The following RNLS variants were observed in gnomAD, a reference collection of about 807,000 sequenced individuals.
RNLS encodes the protein renalase.
Under a neutral mutation model 39.8 loss-of-function variants are expected in RNLS, and 39 were observed. That is an observed-to-expected ratio of 0.98 (90% CI 0.76 to 1.28). RNLS has a LOEUF of 1.28. RNLS is among the 50% of genes most tolerant of loss of function. The pLI is 0.00. For missense variants in RNLS, 410 were observed against 413.3 expected, an observed-to-expected ratio of 0.99 and a Z score of 0.07; for synonymous variants, 147 against 150.7, an observed-to-expected ratio of 0.98 and a Z score of 0.18.
intron 5 of RNLS, among the ~76,000 whole-genome samples, chr10:88,348,383 G>A (rs982935294): frequency 6.6e-6 from 1 of 152,072 alleles, no homozygotes; most frequent in Non-Finnish European, 1.5e-5. Context: ...CCAATTCTTG[G>A]CCAACCTGAA....
Position 88,543,620 on chromosome 10 carries a change from A to G in RNLS, c.526+29283T>C, listed in dbSNP as rs527263894. Among the ~76,000 whole-genome samples, 106 of 152,310 alleles carry G rather than the reference A, an allele frequency of 7.0e-4. 1 individual carries two copies. Among genetic ancestry groups the G allele is most frequent in the South Asian group, 5.8e-3 (28 of 4,828 alleles). The stretch of plus-strand genomic sequence containing the variant: ...TAAAATACACAAAGACAATTATTTA[A>G]CAGAAACAATCCATTAAAAGGTACT... On this transcript the variant is annotated intron_variant, in intron 4 of 6. Transcript: ENST00000331772.
intron 5 of RNLS, among the ~76,000 whole-genome samples, chr10:88,344,359 A>G (rs1848171112): frequency 6.6e-6 from 1 of 152,180 alleles, no homozygotes. Context: ...TGAAATTTTT[A>G]TTTATGATAG....
the RNLS span, among the ~76,000 whole-genome samples, chr10:88,199,325 A>T: frequency 6.6e-6 from 1 of 151,966 alleles, no homozygotes; most frequent in African/African-American, 2.4e-5. Context: ...GTCCTGTGTA[A>T]CTCTACATCA....
intron 6 of RNLS, among the ~76,000 whole-genome samples, chr10:88,289,470 A>C (rs1187369251): frequency 6.6e-6 from 1 of 152,150 alleles, no homozygotes; most frequent in East Asian, 1.9e-4. Context: ...TTCAAGACTC[A>C]GTATAAACAT....
rs149772378 is a variant in RNLS at position 88,515,565 on chromosome 10, T to C, written c.526+57338A>G. Among the ~76,000 whole-genome samples, 292 of 152,222 alleles carry C rather than the reference T, an allele frequency of 1.9e-3. 1 individual carries two copies. The highest frequency in any genetic ancestry group is 6.8e-3 in the African/African-American group (281 of 41,552). ...TCAATGGCCTTGCCCTATTCTTTCA[T>C]AGCATCTTATGTGCACTCTGATCAG... On this transcript the variant is annotated intron_variant, in intron 4 of 6. Transcript: ENST00000331772.
intron 4 of RNLS, among the ~76,000 whole-genome samples, chr10:88,425,068 G>A (rs114598586): frequency 1.3e-3 from 205 of 152,202 alleles, no homozygotes; most frequent in African/African-American, 2.0e-3. Context: ...GCCACACACC[G>A]TAAAACTGGG....
At chr10:88,565,275 C>G (rs1225525232) in intron 4 of RNLS, among the ~76,000 whole-genome samples, 1 of 152,122 alleles carries the variant, frequency 6.6e-6, no homozygotes, top group East Asian at 1.9e-4. Context: ...ATTTCACACA[C>G]TAGATGGCAA....
intron 4 of RNLS, among the ~76,000 whole-genome samples, chr10:88,503,391 C>T (rs1845612312): frequency 6.6e-6 from 1 of 151,902 alleles, no homozygotes; most frequent in African/African-American, 2.4e-5. Flanking sequence ...AAATAGAAAA[C>T]AGAAATAAAA....
chr10:88,394,012 C>T (rs1254407440), intron 4 of RNLS, among the ~76,000 whole-genome samples: 1 of 152,152 alleles, frequency 6.6e-6, no homozygotes, highest in African/African-American at 2.4e-5. Context: ...GAAACTGGAT[C>T]CCTTCCTTAC....
intron 5 of RNLS, among the ~76,000 whole-genome samples, chr10:88,361,563 G>A (rs2133364465): frequency 6.6e-6 from 1 of 152,256 alleles, no homozygotes; most frequent in Admixed American, 6.5e-5. Flanking sequence ...GTACATATAT[G>A]TGGTATCATG....
chr10:88,240,245 C>T, the RNLS span, among the ~76,000 whole-genome samples: 2 of 152,138 alleles, frequency 1.3e-5, no homozygotes, highest in South Asian at 2.1e-4. Context: ...CTTATCTATC[C>T]GTATACTGAG....
At chr10:88,363,689 C>G (rs934971734) in intron 4 of RNLS, among the ~76,000 whole-genome samples, 1 of 152,072 alleles carries the variant, frequency 6.6e-6, no homozygotes, top group African/African-American at 2.4e-5. Flanking sequence ...GTGTCAACTT[C>G]TTCACAAAAG....
At chr10:88,441,534 A>G (rs1841714107) in intron 4 of RNLS, among the ~76,000 whole-genome samples, 1 of 152,180 alleles carries the variant, frequency 6.6e-6, no homozygotes, top group African/African-American at 2.4e-5. Flanking sequence ...CAGAGTAGGT[A>G]AATGCTAGGT....
chr10:88,223,867 C>T, the RNLS span, among the ~76,000 whole-genome samples: 112 of 152,216 alleles, frequency 7.4e-4, no homozygotes, highest in African/African-American at 2.6e-3. Context: ...TGATTAACAT[C>T]GTCTGGCCCC....
chr10:88,441,539 C>T (rs558738049), intron 4 of RNLS, among the ~76,000 whole-genome samples: 1 of 152,244 alleles, frequency 6.6e-6, no homozygotes, highest in East Asian at 1.9e-4. Flanking sequence ...TAGGTAAATG[C>T]TAGGTTTGGG....
At chr10:88,362,436 G>T in intron 5 of RNLS, 116 bp downstream of exon 5, 1 of 886,910 alleles carries the variant, frequency 1.1e-6, no homozygotes, top group Non-Finnish European at 1.6e-6. Context: ...TATCCCCTGT[G>T]GCTTGGAGTT....
intron 5 of RNLS, among the ~76,000 whole-genome samples, chr10:88,350,843 C>A (rs921834911): frequency 2.0e-5 from 3 of 152,178 alleles, no homozygotes; most frequent in Non-Finnish European, 4.4e-5. Flanking sequence ...TTTACAGTCC[C>A]ACCAACAGTG....
chr10:88,564,434 G>A (rs548241796), intron 4 of RNLS, among the ~76,000 whole-genome samples: 1 of 152,152 alleles, frequency 6.6e-6, no homozygotes, highest in African/African-American at 2.4e-5. Context: ...AAAATCAGAG[G>A]GTGGGGGGTG....
the RNLS span, among the ~76,000 whole-genome samples, chr10:88,266,760 A>G: frequency 6.7e-6 from 1 of 150,030 alleles, no homozygotes; most frequent in Non-Finnish European, 1.5e-5. Context: ...CAAATGCCAA[A>G]CAACTTCTAC....
Sources: gnomAD v4.1 joint callset for allele counts (sites outside exome capture counted in the v4.1 genomes callset) on GRCh38, gnomAD v4.1.1 for gene constraint, MANE v1.5 for transcripts, NCBI Gene and HGNC (gene_info 2026-07-23, HGNC 2026-07-21) for gene names.